CCAR1: variants seen among roughly 807,000 people sequenced by gnomAD.
CCAR1 encodes the protein cell division cycle and apoptosis regulator protein 1.
Under a neutral mutation model 163.8 loss-of-function variants are expected in CCAR1, and 78 were observed. That is an observed-to-expected ratio of 0.48 (90% CI 0.40 to 0.57). The LOEUF (loss-of-function observed/expected upper bound fraction) is 0.57. CCAR1 is among the 20% of genes least tolerant of loss of function. The probability of loss-of-function intolerance (pLI) is 0.00; values close to 1 mark genes in which losing one functional copy is unlikely to be tolerated. For missense variants in CCAR1, 1,019 were observed against 1,365.2 expected (o/e 0.75, Z 4.00); for synonymous variants, 443 against 460.7 (o/e 0.96, Z 0.49).
rs929188925 is a variant in CCAR1 at position 68,791,283 on chromosome 10, A to T, written c.*17A>T. On this transcript the variant is annotated 3_prime_UTR_variant, in exon 25 of 25. Transcript: ENST00000265872. ...AGTGTATGATAAAATCCATGTAGTGATGAGGAATGGTGTTAAATAATGTAA... is the reference window on the plus strand; with the variant it reads ...AGTGTATGATAAAATCCATGTAGTGTTGAGGAATGGTGTTAAATAATGTAA... 6.5e-7 allele frequency: 1 copy of T among 1,543,494 alleles called. No individual in the cohort carries two copies.
intron 15 of CCAR1, among the ~76,000 whole-genome samples, chr10:68,759,159 A>G (rs2056437583): frequency 6.6e-6 from 1 of 152,188 alleles, no homozygotes; most frequent in Non-Finnish European, 1.5e-5. Flanking sequence ...CATGCCTGTG[A>G]TCCCAGCACT....
chr10:68,776,774 C>T (rs1413227547), intron 19 of CCAR1, among the ~76,000 whole-genome samples: 2 of 152,072 alleles, frequency 1.3e-5, no homozygotes, highest in Non-Finnish European at 2.9e-5. Flanking sequence ...GTCTTGACCT[C>T]CTTGGCTTCA....
intron 6 of CCAR1, among the ~76,000 whole-genome samples, chr10:68,743,247 A>C (rs1237531936): frequency 1.4e-5 from 2 of 146,306 alleles, no homozygotes; most frequent in African/African-American, 5.1e-5. Flanking sequence ...CTCAGGCTGG[A>C]GTGCAGTGGT....
At chr10:68,739,316 A>G (rs1295678924) in intron 4 of CCAR1, among the ~76,000 whole-genome samples, 1 of 151,962 alleles carries the variant, frequency 6.6e-6, no homozygotes, top group Non-Finnish European at 1.5e-5. Context: ...GGCCCGCCTA[A>G]TTTTTTCTAT....
At chr10:68,727,605 C>T (rs10082551) in intron 2 of CCAR1, among the ~76,000 whole-genome samples, 11,502 of 151,930 alleles carry the variant, frequency 0.076, 1,245 homozygotes, top group African/African-American at 0.24. Flanking sequence ...TTTTTCTCAC[C>T]CCTTGAAATA....
chr10:68,762,289 A>G (rs1359634706), intron 16 of CCAR1, among the ~76,000 whole-genome samples: 2 of 151,684 alleles, frequency 1.3e-5, no homozygotes, highest in Admixed American at 6.6e-5. Context: ...AGATTGCGCC[A>G]CTGCACTCCA....
At position 68,722,485 on chromosome 10, in the gene CCAR1, GTTTTT is replaced by G; in HGVS notation, c.-16_-12del. On this transcript the variant is annotated 5_prime_UTR_variant, in exon 2 of 25. Transcript: ENST00000265872. Reference sequence around the variant, plus strand: ...TGCTATAGAAGACAAACAAGGGAAGGTTTTTTTTCCTTTTGCATCATGGCTCAATT... The same window carrying G: ...TGCTATAGAAGACAAACAAGGGAAGGTTTCCTTTTGCATCATGGCTCAATT... 2 of 1,605,226 alleles carry G rather than the reference GTTTTT, an allele frequency of 1.2e-6. No individual in the cohort carries two copies. The highest frequency in any genetic ancestry group is 2.2e-5 in the South Asian group (2 of 90,858).
chr10:68,769,705 G>A (rs1296048360), intron 17 of CCAR1, among the ~76,000 whole-genome samples: 1 of 152,130 alleles, frequency 6.6e-6, no homozygotes, highest in Non-Finnish European at 1.5e-5. Context: ...ACTTTGAGAG[G>A]CCGAGGCGGG....
intron 16 of CCAR1, among the ~76,000 whole-genome samples, chr10:68,763,454 T>G (rs2056499716): frequency 6.6e-6 from 1 of 151,882 alleles, no homozygotes; most frequent in Non-Finnish European, 1.5e-5. Context: ...CCCAGCCTTA[T>G]TTTTATTTTT....
rs147237161 is a variant in CCAR1 at position 68,786,172 on chromosome 10, A to G, written c.2687A>G (p.Lys896Arg). Residue 896 changes from lysine (K) to arginine (R), a missense_variant, in exon 20 of 25, where the codon AAA becomes AGA. Physicochemically the swap from Lys to Arg is conservative, Grantham distance 26 (BLOSUM62 2). Transcript: ENST00000265872. ...GAAGAAATGACCAAACGAGATGACA[A>G]AAGAGATATCAACAGATACTGCAAG... ...DEEEMTKRDD[K>R]RDINRYCKER... The G allele has an allele frequency of 1.5e-4, 236 of 1,612,794 alleles. 4 individuals are homozygous for G. The South Asian group carries it at 2.3e-3, about 16-fold the overall frequency.
chr10:68,729,592 C>G (rs1338320234), intron 2 of CCAR1, among the ~76,000 whole-genome samples: 1 of 151,504 alleles, frequency 6.6e-6, no homozygotes, highest in Non-Finnish European at 1.5e-5. Flanking sequence ...TCTTGTAATC[C>G]TAGCGCTTTG....
At chr10:68,776,970 C>A (rs1366577609) in intron 19 of CCAR1, among the ~76,000 whole-genome samples, 1 of 152,188 alleles carries the variant, frequency 6.6e-6, no homozygotes, top group African/African-American at 2.4e-5. Context: ...CTAACCCCTT[C>A]ACCAGAAAGA....
intron 21 of CCAR1, chr10:68,787,076 C>G (rs1589195744): frequency 6.2e-6 from 1 of 162,280 alleles, no homozygotes; most frequent in Non-Finnish European, 1.3e-5. Flanking sequence ...CAGAGTGAGA[C>G]TCCATCTCAA....
intron 6 of CCAR1, among the ~76,000 whole-genome samples, chr10:68,744,548 C>T (rs888848309): frequency 6.6e-6 from 1 of 152,100 alleles, no homozygotes; most frequent in African/African-American, 2.4e-5. Context: ...TTTAAAAGTT[C>T]CTTTTCCATA....
At chr10:68,746,518 A>G (rs778035114) in intron 6 of CCAR1, among the ~76,000 whole-genome samples, 1 of 151,776 alleles carries the variant, frequency 6.6e-6, no homozygotes, top group Non-Finnish European at 1.5e-5. Flanking sequence ...TAGTCACCCA[A>G]AGTGCTGAGA....
intron 19 of CCAR1, among the ~76,000 whole-genome samples, chr10:68,782,212 TGAA>T (rs1471217989): frequency 2.0e-5 from 3 of 152,146 alleles, no homozygotes; most frequent in Non-Finnish European, 4.4e-5. Flanking sequence ...CTAAGAAAGA[TGAA>T]GAAGCTATAG....
rs1180551405 is a variant in CCAR1 at position 68,787,942 on chromosome 10, A to G, written c.2896A>G (p.Asn966Asp). 6.2e-7 allele frequency: 1 copy of G among 1,608,980 alleles called. No homozygotes were observed. Among genetic ancestry groups the G allele is most frequent in the Non-Finnish European group, 8.5e-7 (1 of 1,178,596 alleles). ...TGCATAACAGGTAAAGAAGCTTCTTAATAAAGTAGTGCTCCGTGAATCTTG... is the reference window on the plus strand; with the variant it reads ...TGCATAACAGGTAAAGAAGCTTCTTGATAAAGTAGTGCTCCGTGAATCTTG... ...LSRAQVKKLL[N>D]KVVLRESCFY... The change falls in exon 22 of 25, where the codon AAT becomes GAT. Residue 966 changes from asparagine (N) to aspartate (D), a missense_variant. Physicochemically the swap from Asn to Asp is conservative, Grantham distance 23 (BLOSUM62 1). Transcript: ENST00000265872.
At chr10:68,758,541 T>TACA (rs1217847425) in intron 15 of CCAR1, among the ~76,000 whole-genome samples, 24 of 147,342 alleles carry the variant, frequency 1.6e-4, no homozygotes, top group Admixed American at 2.7e-4. Context: ...TGTGTGTGTG[T>TACA]GTGTATACAG....
At chr10:68,790,267 A>G (rs975963081) in intron 24 of CCAR1, among the ~76,000 whole-genome samples, 44 of 152,140 alleles carry the variant, frequency 2.9e-4, no homozygotes, top group Non-Finnish European at 5.4e-4. Context: ...TGAGACGGGA[A>G]TCACTTGAAC....
Sources: allele counts gnomAD v4.1 joint callset (sites outside exome capture counted in the v4.1 genomes callset), GRCh38; gene constraint gnomAD v4.1.1; transcripts MANE v1.5; gene names NCBI Gene and HGNC (gene_info 2026-07-23, HGNC 2026-07-21).